CFAP44: variants seen among roughly 807,000 people sequenced by gnomAD.
CFAP44 encodes cilia- and flagella-associated protein 44.
A neutral mutation model predicts 216.2 loss-of-function variants in CFAP44; 134 were observed. The ratio of observed to expected loss-of-function variants is 0.62; its 90% CI spans 0.54 to 0.72. CFAP44 has a LOEUF of 0.72. CFAP44 is among the 30% of genes least tolerant of loss of function. The pLI, the probability that CFAP44 is intolerant of heterozygous loss-of-function variation, is 0.00. For missense variants in CFAP44, 2,035 were observed against 2,182.1 expected, an observed-to-expected ratio of 0.93 and a Z score of 1.34; for synonymous variants, 700 against 727.6, an observed-to-expected ratio of 0.96 and a Z score of 0.61.
At chr3:113,418,272 A>G (rs1934705074) in intron 5 of CFAP44, among the ~76,000 whole-genome samples, 1 of 151,922 alleles carries the variant, frequency 6.6e-6, no homozygotes, top group Non-Finnish European at 1.5e-5. Context: ...TTTTTAGTAG[A>G]TACGGGGTTT....
chr3:113,326,526 T>C lies in CFAP44; in HGVS notation c.4435A>G (p.Asn1479Asp). 1.3e-6 allele frequency: 2 copies of C among 1,532,606 alleles called. No individual in the cohort carries two copies. The highest frequency in any genetic ancestry group is 1.7e-6 in the Non-Finnish European group (2 of 1,145,080). 94.9% of individuals were successfully genotyped at this position (1,532,606 alleles called of 1,614,324 possible). The change falls in exon 28 of 35, where the codon AAT becomes GAT. Residue 1479 changes from asparagine (N) to aspartate (D), a missense_variant. By Grantham distance (23) the Asn-to-Asp change is conservative. Around this residue, in one of 3 missense-constraint regions of CFAP44, gnomAD observed 1,883 missense variants for 2,023.7 expected, o/e 0.93. Coordinates refer to ENST00000393845, the MANE Select transcript of CFAP44 (RefSeq NM_001164496.2). The part of the protein sequence containing the change: ...AGFQAAIGEN[N>D]KFANFLMKVL... Reference sequence around the variant, plus strand: ...TTCATGAGGAAGTTTGCAAATTTATTGTTTTCTCCAATGGCTGCTTGAAAA... The same window carrying C: ...TTCATGAGGAAGTTTGCAAATTTATCGTTTTCTCCAATGGCTGCTTGAAAA...
chr3:113,341,965 A>C (rs1950336924), intron 23 of CFAP44, 47 bp from the exon 24 acceptor site: 3 of 1,476,762 alleles, frequency 2.0e-6, no homozygotes, highest in Non-Finnish European at 1.8e-6. Flanking sequence ...ACATAAAAAC[A>C]AAACTCTCAG....
At chr3:113,345,317 T>TA (rs556919014) in intron 22 of CFAP44, among the ~76,000 whole-genome samples, 242 of 152,112 alleles carry the variant, frequency 1.6e-3, no homozygotes, top group African/African-American at 5.5e-3. Context: ...CCCCAGAGAC[T>TA]AAAAAATGTT....
At chr3:113,328,309 T>TTTTTTTTTTTTTTTTTTGAG (rs1259280954) in intron 26 of CFAP44, among the ~76,000 whole-genome samples, 1 of 150,270 alleles carries the variant, frequency 6.7e-6, no homozygotes, top group East Asian at 2.0e-4. Context: ...AATCTCTTTC[T>TTTTTTTTTTTTTTTTTTGAG]AAGATTGAAG....
rs145348656 is a variant in CFAP44 at position 113,376,003 on chromosome 3, T to G, written c.2299-2447A>C. Among the ~76,000 whole-genome samples the G allele has an allele frequency of 1.6e-3, 242 of 152,080 alleles. 1 individual carries two copies. Among genetic ancestry groups the G allele is most frequent in the African/African-American group, 5.4e-3 (225 of 41,502 alleles). ...GAGTGCGACAAATAGAAATAATTAG[T>G]AAGATAGTAGATTTAAACTAAAATA... On this transcript the variant is annotated intron_variant, in intron 17 of 34. Transcript: ENST00000393845.
At chr3:113,410,836 C>T (rs1343166023) in intron 6 of CFAP44, among the ~76,000 whole-genome samples, 1 of 151,142 alleles carries the variant, frequency 6.6e-6, no homozygotes. Flanking sequence ...TAATGATCAC[C>T]ATTCTAACTG....
chr3:113,292,082 C>T (rs1949835060), intron 34 of CFAP44, among the ~76,000 whole-genome samples: 2 of 152,102 alleles, frequency 1.3e-5, no homozygotes, highest in African/African-American at 4.8e-5. Context: ...TTTGGGTTCC[C>T]AGAATGAAAT....
chr3:113,298,513 A>C (rs1949903469), intron 32 of CFAP44, among the ~76,000 whole-genome samples: 1 of 152,228 alleles, frequency 6.6e-6, no homozygotes, highest in Admixed American at 6.5e-5. Flanking sequence ...GGAAGCAGAG[A>C]CATAAAGAGA....
intron 15 of CFAP44, among the ~76,000 whole-genome samples, chr3:113,393,887 CATG>C (rs1933918747): frequency 6.6e-6 from 1 of 152,144 alleles, no homozygotes; most frequent in Non-Finnish European, 1.5e-5. Flanking sequence ...CACCTTCTGA[CATG>C]ACTACAAGCC....
At chr3:113,400,491 T>G in intron 12 of CFAP44, 54 bp downstream of exon 12, 1 of 1,430,014 alleles carries the variant, frequency 7.0e-7, no homozygotes, top group Non-Finnish European at 9.4e-7. Flanking sequence ...AAAATTTTAT[T>G]GCAAATAAAA....
chr3:113,311,150 C>G (rs959839733), intron 28 of CFAP44, among the ~76,000 whole-genome samples: 4 of 152,094 alleles, frequency 2.6e-5, no homozygotes, highest in Non-Finnish European at 4.4e-5. Flanking sequence ...AAAAATGCTT[C>G]CATTAGCAAA....
At chr3:113,378,322 T>C (rs1247757153) in intron 17 of CFAP44, among the ~76,000 whole-genome samples, 1 of 152,204 alleles carries the variant, frequency 6.6e-6, no homozygotes, top group Non-Finnish European at 1.5e-5. Context: ...TTTACAATTG[T>C]TTTATAAAAC....
intron 15 of CFAP44, among the ~76,000 whole-genome samples, chr3:113,387,355 T>C (rs7634713): frequency 0.074 from 11,259 of 152,124 alleles, 481 homozygotes; most frequent in East Asian, 0.15. Flanking sequence ...CCAGCTAAGC[T>C]ACAGTAGGTA....
intron 8 of CFAP44, among the ~76,000 whole-genome samples, chr3:113,405,399 G>C (rs1344903591): frequency 1.3e-5 from 2 of 152,138 alleles, no homozygotes; most frequent in Admixed American, 1.3e-4. Context: ...CTAGGCCCTT[G>C]ATCATCTCTT....
chr3:113,404,074 T>C (rs1934211895), intron 8 of CFAP44, 58 bp from the exon 9 acceptor site: 8 of 1,444,580 alleles, frequency 5.5e-6, no homozygotes, highest in African/African-American at 1.4e-5. Flanking sequence ...TACATATTTA[T>C]GCCTCAAATA....
chr3:113,333,660 A>G, intron 24 of CFAP44, 77 bp from the exon 25 acceptor site: 4 of 1,342,628 alleles, frequency 3.0e-6, no homozygotes, highest in Non-Finnish European at 3.8e-6. Flanking sequence ...ATATAGGCAT[A>G]TATTCAAATT....
chr3:113,426,369 CAT>C (rs1262713345), intron 3 of CFAP44, 92 bp from the exon 4 acceptor site: 2 of 1,367,104 alleles, frequency 1.5e-6, no homozygotes, highest in African/African-American at 2.9e-5. Context: ...ATAATCTCCA[CAT>C]GTCATGGGAG....
chr3:113,434,908 A>C (rs894252720), intron 1 of CFAP44: 1 of 152,234 alleles, frequency 6.6e-6, no homozygotes, highest in Admixed American at 6.5e-5. Flanking sequence ...CTACACGATC[A>C]AAGGACAAAG....
At chr3:113,411,881 G>T (rs1488050836) in intron 6 of CFAP44, among the ~76,000 whole-genome samples, 1 of 151,598 alleles carries the variant, frequency 6.6e-6, no homozygotes, top group African/African-American at 2.4e-5. Flanking sequence ...TGGATTCCTA[G>T]GTATTTTATT....
Sources: allele counts gnomAD v4.1 joint callset (sites outside exome capture counted in the v4.1 genomes callset), GRCh38; gene constraint gnomAD v4.1.1; regional missense constraint gnomAD v4.1.1; transcripts MANE v1.5; gene names NCBI Gene and HGNC (gene_info 2026-07-23, HGNC 2026-07-21).